Variants in TENM4 observed in about 807,000 individuals in gnomAD.
The protein encoded by TENM4 is teneurin transmembrane protein 4.
Under a neutral mutation model 243.3 loss-of-function variants are expected in TENM4, and 82 were observed. That is an observed-to-expected ratio of 0.34 (90% CI 0.28 to 0.40). TENM4 has a LOEUF of 0.40. TENM4 is among the 10% of genes least tolerant of loss of function. TENM4 has a pLI of 1.00. For synonymous variants in TENM4, 1,412 were observed against 1,456.3 expected, an observed-to-expected ratio of 0.97 and a Z score of 0.69; for missense variants, 3,138 against 3,673.3, an observed-to-expected ratio of 0.85 and a Z score of 3.77.
intron 10 of TENM4, among the ~76,000 whole-genome samples, chr11:78,857,998 C>T (rs1858718579): frequency 6.6e-6 from 1 of 152,214 alleles, no homozygotes; most frequent in Admixed American, 6.5e-5. Context: ...AAGCACAACA[C>T]TGCTAGTTCC....
At chr11:79,200,599 C>T (rs1261921705) in intron 3 of TENM4, among the ~76,000 whole-genome samples, 7 of 152,204 alleles carry the variant, frequency 4.6e-5, no homozygotes, top group African/African-American at 9.7e-5. Context: ...TTAAGGGACA[C>T]GGGCATCCAT....
intron 25 of TENM4, among the ~76,000 whole-genome samples, chr11:78,717,288 G>C (rs1277196285): frequency 2.0e-5 from 3 of 152,198 alleles, no homozygotes; most frequent in Non-Finnish European, 4.4e-5. Flanking sequence ...AGTCTGTAGG[G>C]ACATACAGGC....
At chr11:79,262,524 C>T (rs1467507798) in intron 2 of TENM4, among the ~76,000 whole-genome samples, 2 of 152,210 alleles carry the variant, frequency 1.3e-5, no homozygotes, top group East Asian at 3.8e-4. Flanking sequence ...CTGCTCGTTC[C>T]ATCCATTTCC....
intron 2 of TENM4, among the ~76,000 whole-genome samples, chr11:79,292,802 A>C (rs750203044): frequency 6.6e-6 from 1 of 152,260 alleles, no homozygotes; most frequent in Non-Finnish European, 1.5e-5. Flanking sequence ...TTAGTGTAAA[A>C]TGGCTTTAAT....
chr11:79,179,389 C>T (rs7116347), intron 3 of TENM4, among the ~76,000 whole-genome samples: 9,569 of 152,212 alleles, frequency 0.063, 781 homozygotes, highest in East Asian at 0.41. Flanking sequence ...CATACCAGAA[C>T]AGCAGAGTTG....
chr11:78,987,401 C>T (rs1857943182), intron 6 of TENM4, among the ~76,000 whole-genome samples: 1 of 152,192 alleles, frequency 6.6e-6, no homozygotes, highest in Non-Finnish European at 1.5e-5. Flanking sequence ...AAGCCAGATG[C>T]AAGAGTCCAC....
At chr11:78,799,993 G>A (rs1857249146) in intron 15 of TENM4, among the ~76,000 whole-genome samples, 2 of 152,308 alleles carry the variant, frequency 1.3e-5, no homozygotes, top group Non-Finnish European at 2.9e-5. Context: ...AGGAAGACCT[G>A]AGGGAGAACC....
chr11:78,953,291 A>T (rs1226495942), intron 6 of TENM4, among the ~76,000 whole-genome samples: 1 of 152,170 alleles, frequency 6.6e-6, no homozygotes, highest in Non-Finnish European at 1.5e-5. Flanking sequence ...ATCTCTGGAA[A>T]TCACCCAGGA....
At position 78,658,689 on chromosome 11, in the gene TENM4, G is replaced by A; in HGVS notation, c.7679C>T (p.Ala2560Val). ...CTTGCCAAAGACTGAGCCGCTGGAT[G>A]CAAACTTCTTGGTCTTTGGAGCCTG... ...CQQAPKTKKF[A>V]SSGSVFGKGV... Residue 2560 changes from alanine (A) to valine (V), a missense_variant, in exon 34 of 34, where the codon GCA (alanine) becomes GTA (valine). By Grantham distance (64) the Ala-to-Val change is moderately conservative (BLOSUM62 0). Coordinates refer to ENST00000278550, the MANE Select transcript of TENM4 (RefSeq NM_001098816.3). 1 of 1,614,028 alleles carries A rather than the reference G, an allele frequency of 6.2e-7. No individual in the cohort carries two copies. The highest frequency in any genetic ancestry group is 8.5e-7 in the Non-Finnish European group (1 of 1,179,910).
chr11:78,837,324 GTGCTGTT>G (rs1858140960), intron 12 of TENM4, among the ~76,000 whole-genome samples: 1 of 152,182 alleles, frequency 6.6e-6, no homozygotes, highest in Admixed American at 6.5e-5. Flanking sequence ...CAGGTAAGAT[GTGCTGTT>G]TGCTGTTTGC....
chr11:78,857,109 C>A (rs1306857247), intron 10 of TENM4, among the ~76,000 whole-genome samples: 1 of 152,210 alleles, frequency 6.6e-6, no homozygotes, highest in Non-Finnish European at 1.5e-5. Flanking sequence ...TCCTGCCAGA[C>A]ATCAGCCTCC....
chr11:78,662,513 G>C (rs1858056277), intron 32 of TENM4, among the ~76,000 whole-genome samples: 2 of 152,020 alleles, frequency 1.3e-5, no homozygotes, highest in African/African-American at 4.8e-5. Flanking sequence ...TCTTTACATT[G>C]GGCTTGGGGA....
chr11:79,334,608 T>A (rs509645), intron 1 of TENM4, among the ~76,000 whole-genome samples: 2 of 151,898 alleles, frequency 1.3e-5, no homozygotes, highest in Non-Finnish European at 2.9e-5. Flanking sequence ...CCAACCATCC[T>A]CAGGAAAAAA....
chr11:78,994,373 G>A (rs911190571), intron 6 of TENM4, among the ~76,000 whole-genome samples: 2 of 152,160 alleles, frequency 1.3e-5, no homozygotes, highest in African/African-American at 4.8e-5. Context: ...GATTTCTGTA[G>A]CCTTTTCTCT....
intron 6 of TENM4, among the ~76,000 whole-genome samples, chr11:79,009,187 C>T (rs1396696347): frequency 6.6e-6 from 1 of 152,084 alleles, no homozygotes; most frequent in Non-Finnish European, 1.5e-5. Context: ...GAACACTAAC[C>T]CTTACCCTAA....
intron 15 of TENM4, among the ~76,000 whole-genome samples, chr11:78,801,507 A>G (rs191639914): frequency 2.6e-5 from 4 of 152,360 alleles, no homozygotes; most frequent in African/African-American, 9.6e-5. Context: ...CTGAGTAAAC[A>G]CTTGTATAAA....
At chr11:78,733,808 G>C (rs1488014371) in intron 20 of TENM4, among the ~76,000 whole-genome samples, 1 of 152,136 alleles carries the variant, frequency 6.6e-6, no homozygotes, top group African/African-American at 2.4e-5. Context: ...TGTGAACCAA[G>C]GTACATCACT....
intron 4 of TENM4, among the ~76,000 whole-genome samples, chr11:79,078,145 G>T (rs975482824): frequency 6.6e-6 from 1 of 152,150 alleles, no homozygotes; most frequent in Non-Finnish European, 1.5e-5. Context: ...GGGAAATGGG[G>T]GCTGTTATCA....
intron 1 of TENM4, among the ~76,000 whole-genome samples, chr11:79,429,136 G>A (rs1859115226): frequency 1.3e-5 from 2 of 152,188 alleles, no homozygotes; most frequent in Non-Finnish European, 2.9e-5. Context: ...TCAAGCTGGT[G>A]CAAGGTGGCA....
Sources: allele counts gnomAD v4.1 joint callset (sites outside exome capture counted in the v4.1 genomes callset), GRCh38; gene constraint gnomAD v4.1.1; transcripts MANE v1.5; gene names NCBI Gene and HGNC (gene_info 2026-07-23, HGNC 2026-07-21).